PHACTR2: variants seen among roughly 807,000 people sequenced by gnomAD.
PHACTR2 encodes the protein chromosome 6 open reading frame 56.
A neutral mutation model predicts 76.0 loss-of-function variants in PHACTR2; 30 were observed. That is an observed-to-expected ratio of 0.39 (90% confidence interval 0.30 to 0.54). The LOEUF (loss-of-function observed/expected upper bound fraction) is 0.54, where lower values mean the gene tolerates loss of function less well. Among genes scored for constraint, PHACTR2 ranks in the 20% least tolerant of loss-of-function variants. The probability of loss-of-function intolerance (pLI) is 0.61; values close to 1 mark genes in which losing one functional copy is unlikely to be tolerated. For missense variants in PHACTR2, 696 were observed against 781.1 expected (o/e 0.89, Z 1.30); for synonymous variants, 292 against 292.5 (o/e 1.00, Z 0.02).
At chr6:143,604,566 G>C (rs1052198543), upstream of PHACTR2, among the ~76,000 whole-genome samples, 1 of 152,102 alleles carries the variant, frequency 6.6e-6, no homozygotes, top group Non-Finnish European at 1.5e-5. Context: ...TCCAATAAGT[G>C]AGAGCTTCTC....
chr6:143,687,026 C>T (rs907956226), intron 1 of PHACTR2, among the ~76,000 whole-genome samples: 39 of 152,068 alleles, frequency 2.6e-4, no homozygotes, highest in African/African-American at 9.2e-4. Context: ...AACATTGGTC[C>T]CAATATAGCC....
rs1300200940 is a variant in PHACTR2 at position 143,698,725 on chromosome 6, A to G, written c.47-13291A>G. Among the ~76,000 whole-genome samples the G allele has an allele frequency of 6.6e-6, 1 of 152,180 alleles. No homozygotes were observed. The highest frequency in any genetic ancestry group is 6.5e-5 in the Admixed American group (1 of 15,284). ...TGTTTGACTAATGTCAGCCTCTCTCATGGCCTGCAAGCCTCCTAAGGGCAG... is the reference window on the plus strand; with the variant it reads ...TGTTTGACTAATGTCAGCCTCTCTCGTGGCCTGCAAGCCTCCTAAGGGCAG... On this transcript the variant is annotated intron_variant, in intron 1 of 12. Coordinates refer to ENST00000440869, the MANE Select transcript of PHACTR2 (RefSeq NM_001100164.2). The surrounding 1 kb of genome is among the most constrained non-coding windows in gnomAD (Gnocchi z 4.3).
rs1427603853 is a variant in PHACTR2, at chr6:143,710,124, TAG to T, written c.47-1887_47-1886del. On this transcript the variant is annotated intron_variant, in intron 1 of 12. Transcript: ENST00000440869. This position sits in a 1 kb window ranked among gnomAD's most constrained non-coding sequence, Gnocchi z 4.9. ...TCTGCCCCTTTCCTGGTTATGTGGC[TAG>T]AGAGTGCAGACGTTTGTGGTCTGTG... 2.0e-5 allele frequency among the ~76,000 whole-genome samples: 3 copies of T among 152,288 alleles called. No homozygotes were observed. In the East Asian group the frequency reaches 5.8e-4, roughly 29 times the overall value.
At chr6:143,788,647 T>C (rs565934861) in intron 10 of PHACTR2, 126 bp from the exon 11 acceptor site, 27 of 579,002 alleles carry the variant, frequency 4.7e-5, no homozygotes, top group African/African-American at 4.5e-4. Flanking sequence ...GTTGCCTTTT[T>C]TTTTTTTTTT....
At chr6:143,613,325 G>GT (rs1776010785) in intron 1 of PHACTR2, among the ~76,000 whole-genome samples, 1 of 152,194 alleles carries the variant, frequency 6.6e-6, no homozygotes, top group South Asian at 2.1e-4. Context: ...TAAATAATCT[G>GT]TTTTTTGGAG....
Position 143,776,936 on chromosome 6 carries a change from A to C in PHACTR2, c.1590-392A>C, listed in dbSNP as rs1047256680. 6.6e-6 allele frequency among the ~76,000 whole-genome samples: 1 copy of C among 152,212 alleles called. No homozygotes were observed. The highest frequency in any genetic ancestry group is 1.5e-5 in the Non-Finnish European group (1 of 68,040). Reference sequence around the variant, plus strand: ...TGCTGAAGTTCTAGCCTGTGGAAAAAGGAAAGAGAAAGAAGGGAGCATGCA... The same window carrying C: ...TGCTGAAGTTCTAGCCTGTGGAAAACGGAAAGAGAAAGAAGGGAGCATGCA... On this transcript the variant is annotated intron_variant, in intron 8 of 12. Coordinates refer to ENST00000440869, the MANE Select transcript of PHACTR2 (RefSeq NM_001100164.2). This position sits in a 1 kb window ranked among gnomAD's most constrained non-coding sequence, Gnocchi z 5.3.
At chr6:143,702,253 G>A (rs1777931592) in intron 1 of PHACTR2, among the ~76,000 whole-genome samples, 2 of 151,150 alleles carry the variant, frequency 1.3e-5, no homozygotes, top group Non-Finnish European at 2.9e-5. Context: ...GACTACAGGT[G>A]CGCACCACGA....
At chr6:143,603,476 C>A (rs146064803), upstream of PHACTR2, among the ~76,000 whole-genome samples, 1 of 151,052 alleles carries the variant, frequency 6.6e-6, no homozygotes, top group African/African-American at 2.4e-5. Flanking sequence ...GAGAAGCAAA[C>A]GTTATCCAGA....
At chr6:143,686,147 A>AG (rs1054465781) in intron 1 of PHACTR2, among the ~76,000 whole-genome samples, 3 of 151,578 alleles carry the variant, frequency 2.0e-5, no homozygotes, top group African/African-American at 7.3e-5. Context: ...AAAAAAAAAA[A>AG]GTGCACTTAG....
rs1391138358 is a variant in PHACTR2, at chr6:143,821,611, T to C, written c.1923-2063T>C. ...ATGGGAACACAGGAAAGAGAGCAATTAGTGCTTCCCTGAGCAGTGGAGAAA... is the reference window on the plus strand; with the variant it reads ...ATGGGAACACAGGAAAGAGAGCAATCAGTGCTTCCCTGAGCAGTGGAGAAA... On this transcript the variant is annotated intron_variant, in intron 12 of 12. Coordinates refer to ENST00000440869, the MANE Select transcript of PHACTR2 (RefSeq NM_001100164.2). The surrounding 1 kb of genome is among the most constrained non-coding windows in gnomAD (Gnocchi z 5.2). Among the ~76,000 whole-genome samples, 1 of 152,166 alleles carries C rather than the reference T, an allele frequency of 6.6e-6. No individual in the cohort carries two copies. The highest frequency in any genetic ancestry group is 2.4e-5 in the African/African-American group (1 of 41,438).
intron 1 of PHACTR2, among the ~76,000 whole-genome samples, chr6:143,560,027 A>G (rs1405398563): frequency 1.3e-5 from 2 of 152,138 alleles, no homozygotes; most frequent in African/African-American, 4.8e-5. Flanking sequence ...TTTCAATACT[A>G]AAACAAAAAT....
chr6:143,816,685 G>GAA lies in PHACTR2; in HGVS notation c.1923-6977_1923-6976dup, dbSNP rs113735043. Among the ~76,000 whole-genome samples the GAA allele has an allele frequency of 2.2e-4, 31 of 142,018 alleles. No homozygotes were observed. The highest frequency in any genetic ancestry group is 7.2e-4 in the African/African-American group (28 of 38,774). 93.2% of individuals were successfully genotyped at this position (142,018 alleles called of 152,430 possible). A position where few individuals can be genotyped will look rare whatever the true frequency, so the allele number is the denominator to read the frequency against. On this transcript the variant is annotated intron_variant, in intron 12 of 12. Coordinates refer to ENST00000440869, the MANE Select transcript of PHACTR2 (RefSeq NM_001100164.2). This position sits in a 1 kb window ranked among gnomAD's most constrained non-coding sequence, Gnocchi z 4.5. Reference sequence around the variant, plus strand: ...ATCCATGGGCAAATGGTGTGTGCAGGAAAAAAAAAAAAATCTTACACTGTC... The same window carrying GAA: ...ATCCATGGGCAAATGGTGTGTGCAGGAAAAAAAAAAAAAAATCTTACACTGTC...
At chr6:143,723,267 C>G (rs551551335) in intron 2 of PHACTR2, among the ~76,000 whole-genome samples, 65 of 152,198 alleles carry the variant, frequency 4.3e-4, no homozygotes, top group Non-Finnish European at 3.7e-4. Context: ...TCACCTTCCA[C>G]GCCTTCCTGT....
chr6:143,716,446 C>T (rs1364280029), intron 2 of PHACTR2, among the ~76,000 whole-genome samples: 1 of 152,166 alleles, frequency 6.6e-6, no homozygotes, highest in Non-Finnish European at 1.5e-5. Flanking sequence ...CCGCCTCAGC[C>T]TCCCAAGCAG....
intron 1 of PHACTR2, among the ~76,000 whole-genome samples, chr6:143,701,394 CAGTATAA>C (rs1279089182): frequency 1.3e-5 from 2 of 152,258 alleles, no homozygotes; most frequent in African/African-American, 2.4e-5. Flanking sequence ...TTACTTTAGT[CAGTATAA>C]AGTATAGAGT....
At chr6:143,703,095 G>A (rs998314380) in intron 1 of PHACTR2, among the ~76,000 whole-genome samples, 24 of 147,436 alleles carry the variant, frequency 1.6e-4, no homozygotes, top group Middle Eastern at 3.5e-3. Context: ...GATCACTTGA[G>A]TCCAGGAGTT....
In PHACTR2 at chr6:143,558,324, A is replaced by T. The variant is rs1028335034; in HGVS notation, c.217+21117A>T. On this transcript the variant is annotated intron_variant, in intron 1 of 11. Coordinates refer to the PHACTR2 transcript ENST00000367584. The surrounding 1 kb of genome is among the most constrained non-coding windows in gnomAD (Gnocchi z 4.7). ...TAAGAAAGAGTTTTCCCCTATTTAC[A>T]TGTAAAAATATGATAGGAGAAAAAA... is the stretch of plus-strand genomic sequence containing the variant. Among the ~76,000 whole-genome samples, 2 of 152,154 alleles carry T rather than the reference A, an allele frequency of 1.3e-5. No homozygotes were observed. Among genetic ancestry groups the T allele is most frequent in the Non-Finnish European group, 2.9e-5 (2 of 68,034 alleles).
intron 1 of PHACTR2, among the ~76,000 whole-genome samples, chr6:143,542,218 C>T (rs565752429): frequency 1.3e-5 from 2 of 152,234 alleles, no homozygotes; most frequent in African/African-American, 4.8e-5. Context: ...GACATGTGTG[C>T]CTTCCTTCTC....
rs923659697 is a variant in PHACTR2, at chr6:143,610,362, G to A, written c.13+2040G>A. On this transcript the variant is annotated intron_variant, in intron 1 of 11. Transcript: ENST00000305766. The surrounding 1 kb of genome is among the most constrained non-coding windows in gnomAD (Gnocchi z 4.9). ...AATTTAATTTAAAGAAGATAATGAT[G>A]TTGAGTATTTGCCTAAATTTTTCTA... 6.6e-6 allele frequency among the ~76,000 whole-genome samples: 1 copy of A among 152,170 alleles called. No homozygotes were observed. The highest frequency in any genetic ancestry group is 1.5e-5 in the Non-Finnish European group (1 of 68,028).
Sources: gnomAD v4.1 joint callset for allele counts (sites outside exome capture counted in the v4.1 genomes callset) on GRCh38, gnomAD v4.1.1 for gene constraint, Gnocchi (gnomAD v3.1) non-coding constraint, MANE v1.5 for transcripts, NCBI Gene and HGNC (gene_info 2026-07-23, HGNC 2026-07-21) for gene names.